ANKRD17: variants seen among roughly 807,000 people sequenced by gnomAD.
ANKRD17 encodes ankyrin repeat domain-containing protein 17.
A neutral mutation model predicts 229.7 loss-of-function variants in ANKRD17; 19 were observed. The ratio of observed to expected loss-of-function variants is 0.08; its 90% CI spans 0.06 to 0.12. ANKRD17 has a LOEUF of 0.12. Ranked by LOEUF, ANKRD17 falls within the 10% of genes least tolerant of loss-of-function variation. The pLI is 1.00. For missense variants in ANKRD17, 2,176 were observed against 3,176.8 expected, an observed-to-expected ratio of 0.68 and a Z score of 7.57; for synonymous variants, 1,112 against 1,146.1, an observed-to-expected ratio of 0.97 and a Z score of 0.60.
intron 1 of ANKRD17, chr4:73,223,183 A>AG: frequency 1.6e-6 from 1 of 620,902 alleles, no homozygotes; most frequent in Non-Finnish European, 2.7e-6. Flanking sequence ...CCAAAAGAGC[A>AG]GGGGGTGACT....
chr4:73,241,826 T>C (rs995824104), intron 1 of ANKRD17, among the ~76,000 whole-genome samples: 1 of 152,124 alleles, frequency 6.6e-6, no homozygotes, highest in African/African-American at 2.4e-5. Flanking sequence ...AAATAATTCA[T>C]CATACCAAGT....
intron 1 of ANKRD17, among the ~76,000 whole-genome samples, chr4:73,182,229 C>T (rs757051503): frequency 4.0e-5 from 6 of 151,814 alleles, no homozygotes; most frequent in Admixed American, 2.0e-4. Context: ...AAAGTTACAA[C>T]TGGCCTTTTT....
In ANKRD17 at chr4:73,085,352, G is replaced by A. The variant is rs748385415; in HGVS notation, c.7056C>T (p.Tyr2352=). The A allele has an allele frequency of 3.4e-5, 55 of 1,613,940 alleles. No individual in the cohort carries two copies. Among genetic ancestry groups the A allele is most frequent in the Non-Finnish European group, 4.1e-5 (48 of 1,180,016 alleles). The change falls in exon 30 of 34, where the codon TAC becomes TAT. Residue 2352 remains tyrosine, a synonymous_variant. Coordinates refer to ENST00000358602, the MANE Select transcript of ANKRD17 (RefSeq NM_032217.5). The part of the protein sequence containing the change: ...FASNISGGQM[Y]GPGAPLGGAP... ...CTCCTCCAAGGGGTGCCCCAGGTCC[G>A]TACATCTGACCTCCTGAAATGTTTG...
At chr4:73,216,530 A>AAC (rs1227399925) in intron 1 of ANKRD17, among the ~76,000 whole-genome samples, 2 of 152,228 alleles carry the variant, frequency 1.3e-5, no homozygotes, top group Non-Finnish European at 2.9e-5. Context: ...AAAAAGGGTT[A>AAC]ACAGTTAAGG....
At chr4:73,208,175 C>T (rs188080803) in intron 1 of ANKRD17, among the ~76,000 whole-genome samples, 1,325 of 114,080 alleles carry the variant, frequency 0.012, 11 homozygotes, top group Non-Finnish European at 0.017. Context: ...GGCGACACAG[C>T]GAGACTCCGT....
chr4:73,078,249 C>A (rs536329641), intron 31 of ANKRD17, among the ~76,000 whole-genome samples: 3 of 152,266 alleles, frequency 2.0e-5, no homozygotes, highest in Non-Finnish European at 2.9e-5. Context: ...TGGTGGCGGG[C>A]GCCTGTAGTC....
chr4:73,250,070 T>A (rs1744849292), intron 1 of ANKRD17, among the ~76,000 whole-genome samples: 1 of 152,150 alleles, frequency 6.6e-6, no homozygotes, highest in Non-Finnish European at 1.5e-5. Context: ...TTATTTAAAA[T>A]GAGAATTATG....
rs1308052370 is a variant in ANKRD17, at chr4:73,098,901, G to A, written c.4574-381C>T. On this transcript the variant is annotated intron_variant, in intron 25 of 33. Coordinates refer to ENST00000358602, the MANE Select transcript of ANKRD17 (RefSeq NM_032217.5). ...GACAGCACTGAGAAGCGGGGCCGGG[G>A]CAGGCCCCGCAAGCAGCCTCTGGTG... The A allele has an allele frequency of 7.0e-6, 8 of 1,145,026 alleles. No homozygotes were observed. In the Admixed American group the frequency reaches 1.0e-4, roughly 15 times the overall value. 70.9% of individuals were successfully genotyped at this position (1,145,026 alleles called of 1,614,324 possible).
At chr4:73,239,237 G>A (rs954300678) in intron 1 of ANKRD17, among the ~76,000 whole-genome samples, 1 of 152,100 alleles carries the variant, frequency 6.6e-6, no homozygotes, top group East Asian at 1.9e-4. Context: ...AAAATACAGT[G>A]CTGACACACA....
At chr4:73,158,714 C>T (rs1732106025) in intron 3 of ANKRD17, among the ~76,000 whole-genome samples, 1 of 152,176 alleles carries the variant, frequency 6.6e-6, no homozygotes, top group Non-Finnish European at 1.5e-5. Flanking sequence ...TCGGTTAATC[C>T]ATTCATGAAT....
chr4:73,150,979 C>T (rs1397341271), intron 7 of ANKRD17, among the ~76,000 whole-genome samples: 1 of 152,054 alleles, frequency 6.6e-6, no homozygotes, highest in Non-Finnish European at 1.5e-5. Flanking sequence ...GTATGTTATG[C>T]TTATTAATAA....
At chr4:73,120,485 TTGAG>T (rs2148695156) in intron 20 of ANKRD17, 148 bp from the exon 21 acceptor site, 4 of 695,360 alleles carry the variant, frequency 5.8e-6, no homozygotes, top group South Asian at 2.0e-5. Context: ...ATTAGCTCCT[TTGAG>T]TTAGTCTGAT....
intron 1 of ANKRD17, among the ~76,000 whole-genome samples, chr4:73,246,031 A>AAG (rs1744468416): frequency 3.3e-5 from 5 of 152,296 alleles, no homozygotes; most frequent in Admixed American, 2.6e-4. Context: ...CTTCCTAGGG[A>AAG]TGTCACACCC....
At chr4:73,159,760 G>A (rs939126253) in intron 3 of ANKRD17, among the ~76,000 whole-genome samples, 1 of 152,096 alleles carries the variant, frequency 6.6e-6, no homozygotes, top group African/African-American at 2.4e-5. Flanking sequence ...GATTACCAAT[G>A]ATATTGTAGG....
chr4:73,198,715 T>G (rs898205710), intron 1 of ANKRD17, among the ~76,000 whole-genome samples: 3 of 152,154 alleles, frequency 2.0e-5, no homozygotes, highest in Non-Finnish European at 4.4e-5. Context: ...ACAAAGGAGA[T>G]TAAATCAAAA....
chr4:73,131,580 A>G (rs996874823), intron 16 of ANKRD17, among the ~76,000 whole-genome samples: 19 of 152,204 alleles, frequency 1.2e-4, no homozygotes, highest in African/African-American at 4.6e-4. Context: ...CATAATTCAA[A>G]TTCAAGGTTA....
At chr4:73,212,085 C>T (rs1332647840) in intron 1 of ANKRD17, among the ~76,000 whole-genome samples, 1 of 152,086 alleles carries the variant, frequency 6.6e-6, no homozygotes, top group African/African-American at 2.4e-5. Flanking sequence ...AATATATACA[C>T]CTAACCAAAG....
At chr4:73,123,178 A>G (rs930164467) in intron 18 of ANKRD17, among the ~76,000 whole-genome samples, 1 of 152,032 alleles carries the variant, frequency 6.6e-6, no homozygotes, top group Non-Finnish European at 1.5e-5. Flanking sequence ...AAATCAACTA[A>G]TATCTTCTTG....
At chr4:73,116,916 C>G (rs1210526668) in intron 22 of ANKRD17, among the ~76,000 whole-genome samples, 1 of 151,782 alleles carries the variant, frequency 6.6e-6, no homozygotes, top group Non-Finnish European at 1.5e-5. Flanking sequence ...GTTAGGTACT[C>G]AAGAAATAAT....
Sources: gnomAD v4.1 joint callset for allele counts (sites outside exome capture counted in the v4.1 genomes callset) on GRCh38, gnomAD v4.1.1 for gene constraint, MANE v1.5 for transcripts, NCBI Gene and HGNC (gene_info 2026-07-23, HGNC 2026-07-21) for gene names.